The following WRN variants were observed in gnomAD, a reference collection of about 807,000 sequenced individuals.
WRN encodes WRN RecQ like helicase.
In WRN, 149 loss-of-function variants were observed where a neutral mutation model predicts 180.7. That is an observed-to-expected ratio of 0.82 (90% CI 0.72 to 0.94). WRN has a LOEUF of 0.94. WRN is among the 40% of genes least tolerant of loss of function. The pLI is 0.00. For missense variants in WRN, 1,661 were observed against 1,700.1 expected, an observed-to-expected ratio of 0.98 and a Z score of 0.40; for synonymous variants, 548 against 568.9, an observed-to-expected ratio of 0.96 and a Z score of 0.52.
At position 31,105,886 on chromosome 8, in the gene WRN, A is replaced by G. The variant is rs191401654; in HGVS notation, c.2088+4931A>G. Among the ~76,000 whole-genome samples the G allele has an allele frequency of 3.9e-5, 6 of 152,328 alleles. No individual in the cohort carries two copies. The East Asian group carries it at 1.2e-3, about 29-fold the overall frequency. ...TTTGCCAGCATTTGGTGTTGTCACT[A>G]TTAGTTCATTTTAGCCATTTAATAG... On this transcript the variant is annotated intron_variant, in intron 18 of 34. Coordinates refer to ENST00000298139, the MANE Select transcript of WRN (RefSeq NM_000553.6).
rs868715457 is a variant in WRN at position 31,175,093 on chromosome 8, A to C, written c.*1991A>C. 6.6e-6 allele frequency among the ~76,000 whole-genome samples: 1 copy of C among 152,064 alleles called. No homozygotes were observed. Among genetic ancestry groups the C allele is most frequent in the African/African-American group, 2.4e-5 (1 of 41,386 alleles). ...TTTTTTCTGTGTTTCGAAGATCCGTATAACTCAGTGAATCAGTATGTTCTG... is the reference window on the plus strand; with the variant it reads ...TTTTTTCTGTGTTTCGAAGATCCGTCTAACTCAGTGAATCAGTATGTTCTG... On this transcript the variant is annotated 3_prime_UTR_variant, in exon 35 of 35. Coordinates refer to ENST00000298139, the MANE Select transcript of WRN (RefSeq NM_000553.6).
chr8:31,170,833 G>C (rs988848159), intron 34 of WRN, among the ~76,000 whole-genome samples: 3 of 152,088 alleles, frequency 2.0e-5, no homozygotes, highest in African/African-American at 7.2e-5. Flanking sequence ...GACACACTTA[G>C]TGTAAGTAAG....
rs572685568 is a variant in WRN, at chr8:31,048,391, T to C, written c.-76-9981T>C. ...TTTTCCTCTACCCCTTCTTATTCTT[T>C]TTGGTTCATTGAAAAGTAGAAAGAA... On this transcript the variant is annotated intron_variant, in intron 1 of 34. Coordinates refer to ENST00000298139, the MANE Select transcript of WRN (RefSeq NM_000553.6). Among the ~76,000 whole-genome samples the C allele has an allele frequency of 7.9e-5, 12 of 152,334 alleles. No homozygotes were observed. The East Asian group carries it at 2.1e-3, about 27-fold the overall frequency.
chr8:31,076,561 CTATAT>C (rs1162756433), intron 8 of WRN, among the ~76,000 whole-genome samples: 2 of 151,866 alleles, frequency 1.3e-5, no homozygotes, highest in Non-Finnish European at 1.5e-5. Flanking sequence ...GAAATTATAT[CTATAT>C]TATATTTTTT....
chr8:31,042,168 T>G (rs1811684578), intron 1 of WRN, among the ~76,000 whole-genome samples: 1 of 152,050 alleles, frequency 6.6e-6, no homozygotes, highest in Non-Finnish European at 1.5e-5. Context: ...GAATTGAGAT[T>G]ATGGAAGGAT....
chr8:31,084,840 A>G (rs1813462590), intron 10 of WRN, among the ~76,000 whole-genome samples: 1 of 152,192 alleles, frequency 6.6e-6, no homozygotes, highest in African/African-American at 2.4e-5. Flanking sequence ...TTATACTCAA[A>G]AAGTTTGGGA....
At chr8:31,167,965 G>T (rs139967213) in intron 34 of WRN, among the ~76,000 whole-genome samples, 177 of 152,052 alleles carry the variant, frequency 1.2e-3, no homozygotes, top group Non-Finnish European at 2.2e-3. Context: ...ATTCTTAGTT[G>T]GTAAATTCAA....
intron 7 of WRN, among the ~76,000 whole-genome samples, chr8:31,073,169 A>G (rs1028820647): frequency 1.3e-5 from 2 of 152,266 alleles, no homozygotes; most frequent in African/African-American, 4.8e-5. Context: ...TGGTTGTCGT[A>G]AGAGGAAAAA....
intron 18 of WRN, among the ~76,000 whole-genome samples, chr8:31,106,073 T>A (rs1279994051): frequency 6.6e-6 from 1 of 152,194 alleles, no homozygotes; most frequent in African/African-American, 2.4e-5. Flanking sequence ...TCCTCCATCT[T>A]GTTTAACAGC....
intron 1 of WRN, among the ~76,000 whole-genome samples, chr8:31,050,199 A>T (rs1812031373): frequency 6.6e-6 from 1 of 152,162 alleles, no homozygotes; most frequent in South Asian, 2.1e-4. Flanking sequence ...AAAGATAAAT[A>T]TAGACATTGG....
At chr8:31,131,156 C>CTTTTTTTTTT (rs1554530509) in intron 23 of WRN, among the ~76,000 whole-genome samples, 2 of 19,358 alleles carry the variant, frequency 1.0e-4, no homozygotes, top group Non-Finnish European at 2.3e-4. Flanking sequence ...CAAATTGCAA[C>CTTTTTTTTTT]TTTCTTTTTT....
intron 16 of WRN, among the ~76,000 whole-genome samples, chr8:31,094,733 T>C (rs538069477): frequency 1.1e-4 from 16 of 152,304 alleles, no homozygotes; most frequent in Admixed American, 4.6e-4. Flanking sequence ...ATAAATTAAC[T>C]TATACATTAT....
intron 33 of WRN, among the ~76,000 whole-genome samples, chr8:31,166,095 G>A (rs1803848059): frequency 6.6e-6 from 1 of 152,066 alleles, no homozygotes; most frequent in African/African-American, 2.4e-5. Flanking sequence ...GAGTCTTGGA[G>A]TAGCAAGCTA....
chr8:31,126,269 C>T (rs917253974), intron 23 of WRN, among the ~76,000 whole-genome samples: 9 of 152,004 alleles, frequency 5.9e-5, no homozygotes, highest in African/African-American at 1.7e-4. Context: ...CAAACCTTAA[C>T]AAATTTAAGA....
rs1385686169 is a variant in WRN, at chr8:31,166,485, C to T, written c.3983-537C>T. ...AGAAATATGTTCCCAGAAATCTCAT[C>T]TAGTTAATGTGCTTTTAAAATCATT... On this transcript the variant is annotated intron_variant, in intron 33 of 34. Coordinates refer to ENST00000298139, the MANE Select transcript of WRN (RefSeq NM_000553.6). Among the ~76,000 whole-genome samples, 3 of 152,214 alleles carry T rather than the reference C, an allele frequency of 2.0e-5. No individual in the cohort carries two copies. The East Asian group carries it at 5.8e-4, about 29-fold the overall frequency.
At chr8:31,082,869 A>G (rs1249346537) in intron 9 of WRN, among the ~76,000 whole-genome samples, 1 of 152,044 alleles carries the variant, frequency 6.6e-6, no homozygotes, top group Non-Finnish European at 1.5e-5. Context: ...AATTATTGCC[A>G]TTTTTTTATT....
At chr8:31,064,841 GGTAT>G in intron 4 of WRN, 70 bp from the exon 5 acceptor site, 1 of 1,478,870 alleles carries the variant, frequency 6.8e-7, no homozygotes, top group Non-Finnish European at 9.4e-7. Flanking sequence ...ACATAAACAT[GGTAT>G]GTATAAGAAG....
At chr8:31,140,968 G>A (rs1018489186) in intron 24 of WRN, among the ~76,000 whole-genome samples, 3 of 152,086 alleles carry the variant, frequency 2.0e-5, no homozygotes, top group Non-Finnish European at 2.9e-5. Context: ...TGTTAGCCAT[G>A]ATGGTCTCAA....
intron 23 of WRN, among the ~76,000 whole-genome samples, chr8:31,129,024 C>A (rs186456554): frequency 6.6e-6 from 1 of 152,276 alleles, no homozygotes; most frequent in East Asian, 1.9e-4. Context: ...GTCACACAGG[C>A]TGGAGAGCAG....
Sources: allele counts gnomAD v4.1 joint callset (sites outside exome capture counted in the v4.1 genomes callset), GRCh38; gene constraint gnomAD v4.1.1; transcripts MANE v1.5; gene names NCBI Gene and HGNC (gene_info 2026-07-23, HGNC 2026-07-21).